The following SHQ1 variants were observed in gnomAD, a reference collection of about 807,000 sequenced individuals.
The protein encoded by SHQ1 is SHQ1, H/ACA ribonucleoprotein assembly factor.
A neutral mutation model predicts 53.8 loss-of-function variants in SHQ1; 49 were observed. The observed-to-expected ratio is 0.91, with a 90% CI of 0.72 to 1.16. The LOEUF is 1.16. Among genes scored for constraint, SHQ1 ranks in the 50% most tolerant of loss-of-function variants. The pLI is 0.00. For synonymous variants in SHQ1, 243 were observed against 251.0 expected (o/e 0.97, Z 0.30); for missense variants, 738 against 683.1 (o/e 1.08, Z -0.90).
chr3:72,739,403 G>C, the SHQ1 span, among the ~76,000 whole-genome samples: 13 of 152,278 alleles, frequency 8.5e-5, no homozygotes, highest in African/African-American at 3.1e-4. Context: ...ATTGAGCCAG[G>C]GGTGACCTTG....
chr3:72,764,070 C>A (rs1046648915), intron 10 of SHQ1, among the ~76,000 whole-genome samples: 13 of 151,782 alleles, frequency 8.6e-5, no homozygotes, highest in Admixed American at 7.9e-4. Flanking sequence ...GTTTTCTTTG[C>A]GTAATAACAT....
chr3:72,803,543 T>G (rs976680211), intron 9 of SHQ1, among the ~76,000 whole-genome samples: 8 of 152,206 alleles, frequency 5.3e-5, no homozygotes, highest in African/African-American at 1.9e-4. Flanking sequence ...CTATTTGGAA[T>G]GGCAAGCAGC....
intron 1 of SHQ1, chr3:72,846,404 C>T: frequency 8.6e-7 from 1 of 1,157,724 alleles, no homozygotes; most frequent in Non-Finnish European, 1.2e-6. Context: ...AAGCGATTCT[C>T]TCACCTCAAG....
chr3:72,780,039 C>A (rs1706040560), intron 10 of SHQ1, among the ~76,000 whole-genome samples: 1 of 152,176 alleles, frequency 6.6e-6, no homozygotes, highest in African/African-American at 2.4e-5. Context: ...AGTTCGAGAC[C>A]AGCCTGAGCA....
the SHQ1 span, among the ~76,000 whole-genome samples, chr3:72,731,005 T>C: frequency 7.1e-6 from 1 of 140,128 alleles, no homozygotes; most frequent in East Asian, 2.1e-4. Flanking sequence ...GACACCTGCT[T>C]ATTGCTGAAC....
At chr3:72,753,587 A>G (rs140319435) in intron 10 of SHQ1, 2 of 985,382 alleles carry the variant, frequency 2.0e-6, no homozygotes, top group East Asian at 2.3e-4. Context: ...AAGGGCAGTC[A>G]CCATCGTTGA....
chr3:72,769,315 T>C (rs1705797787), intron 10 of SHQ1, among the ~76,000 whole-genome samples: 1 of 152,228 alleles, frequency 6.6e-6, no homozygotes, highest in African/African-American at 2.4e-5. Flanking sequence ...AATTTTTAAG[T>C]GTTGACAACC....
intron 4 of SHQ1, among the ~76,000 whole-genome samples, chr3:72,834,371 A>C (rs547211199): frequency 6.6e-6 from 1 of 152,330 alleles, no homozygotes; most frequent in South Asian, 2.1e-4. Context: ...TCTACTAAAA[A>C]ATACAAAAAT....
chr3:72,730,711 A>G, the SHQ1 span, among the ~76,000 whole-genome samples: 2 of 152,344 alleles, frequency 1.3e-5, no homozygotes, highest in East Asian at 1.9e-4. Context: ...TTCATCTCTT[A>G]GAATTAAGAC....
the SHQ1 span, among the ~76,000 whole-genome samples, chr3:72,727,826 G>C: frequency 6.6e-6 from 1 of 152,114 alleles, no homozygotes; most frequent in African/African-American, 2.4e-5. Context: ...ATTCTGACCA[G>C]ATCACCTCCG....
chr3:72,744,554 T>G (rs1242022947), downstream of SHQ1, among the ~76,000 whole-genome samples: 3 of 152,242 alleles, frequency 2.0e-5, no homozygotes, highest in African/African-American at 4.8e-5. Context: ...GTTTGCCTGT[T>G]TGTTTTCTCC....
chr3:72,796,539 G>A (rs888333788), intron 9 of SHQ1, among the ~76,000 whole-genome samples: 1 of 152,136 alleles, frequency 6.6e-6, no homozygotes, highest in African/African-American at 2.4e-5. Flanking sequence ...TCAAATAACA[G>A]GCAGGGCATG....
At chr3:72,831,603 T>C (rs1420220707) in intron 5 of SHQ1, among the ~76,000 whole-genome samples, 2 of 152,198 alleles carry the variant, frequency 1.3e-5, no homozygotes, top group Non-Finnish European at 2.9e-5. Context: ...GAATTAATAA[T>C]TAAGGTCTAC....
chr3:72,788,417 G>A (rs1259728232), intron 10 of SHQ1, among the ~76,000 whole-genome samples: 1 of 151,930 alleles, frequency 6.6e-6, no homozygotes, highest in Non-Finnish European at 1.5e-5. Context: ...CGTCTGAGAA[G>A]TGAGGAGCCT....
chr3:72,840,489 G>A (rs1708145253), intron 4 of SHQ1, among the ~76,000 whole-genome samples: 1 of 150,948 alleles, frequency 6.6e-6, no homozygotes, highest in African/African-American at 2.4e-5. Flanking sequence ...CCTAGAGGCA[G>A]AGGCTGCCAT....
intron 5 of SHQ1, among the ~76,000 whole-genome samples, chr3:72,829,584 G>C (rs557388857): frequency 2.2e-4 from 33 of 152,248 alleles, no homozygotes; most frequent in East Asian, 2.1e-3. Flanking sequence ...TGAATTGAGA[G>C]CCACCTCAGA....
At chr3:72,746,691 G>A (rs1668750729), downstream of SHQ1, among the ~76,000 whole-genome samples, 1 of 152,148 alleles carries the variant, frequency 6.6e-6, no homozygotes, top group Admixed American at 6.5e-5. Context: ...GGGAATAACA[G>A]GTTTTTCTAC....
intron 10 of SHQ1, among the ~76,000 whole-genome samples, chr3:72,771,158 A>C (rs1338233157): frequency 6.6e-6 from 1 of 152,218 alleles, no homozygotes; most frequent in Non-Finnish European, 1.5e-5. Context: ...AGGTGAAAAC[A>C]GAGAATGCTC....
downstream of SHQ1, among the ~76,000 whole-genome samples, chr3:72,745,822 C>T (rs990264900): frequency 1.1e-4 from 17 of 151,602 alleles, no homozygotes; most frequent in African/African-American, 4.1e-4. Flanking sequence ...ACCCTGAACG[C>T]GCCTGATCTC....
Sources: gnomAD v4.1 joint callset for allele counts (sites outside exome capture counted in the v4.1 genomes callset) on GRCh38, gnomAD v4.1.1 for gene constraint, MANE v1.5 for transcripts, NCBI Gene and HGNC (gene_info 2026-07-23, HGNC 2026-07-21) for gene names.